The following RSRC1 variants were observed in gnomAD, a reference collection of about 807,000 sequenced individuals.
RSRC1 encodes serine/Arginine-related protein 53.
A neutral mutation model predicts 49.1 loss-of-function variants in RSRC1; 39 were observed. The ratio of observed to expected loss-of-function variants is 0.79; its 90% CI spans 0.61 to 1.04. The LOEUF is 1.04. Among genes scored for constraint, RSRC1 ranks in the 50% least tolerant of loss-of-function variants. RSRC1 has a pLI of 0.00. For synonymous variants in RSRC1, 143 were observed against 130.8 expected (o/e 1.09, Z -0.63); for missense variants, 388 against 402.4 (o/e 0.96, Z 0.31).
intron 4 of RSRC1, among the ~76,000 whole-genome samples, chr3:158,275,615 C>T (rs1193507): frequency 0.45 from 68,341 of 151,952 alleles, 15,701 homozygotes; most frequent in East Asian, 0.64. Flanking sequence ...AAAGCAAAGA[C>T]AAAAAAGTTT....
At chr3:158,482,121 AAT>A (rs767541550) in intron 7 of RSRC1, among the ~76,000 whole-genome samples, 12 of 151,962 alleles carry the variant, frequency 7.9e-5, no homozygotes, top group Non-Finnish European at 1.3e-4. Context: ...CCTCAATAAA[AAT>A]AGTTTTATTG....
In RSRC1 at chr3:158,540,059, G is replaced by A. The variant is rs114628355; in HGVS notation, c.759+2861G>A. Among the ~76,000 whole-genome samples the A allele has an allele frequency of 6.5e-3, 985 of 152,246 alleles. 12 individuals carry two copies. The highest frequency in any genetic ancestry group is 0.021 in the African/African-American group (867 of 41,540). ...AGAATGATATGCTCTTACAGTCCCC[G>A]TAAGGCAGTATAGACTACCAAAAAT... is the stretch of plus-strand genomic sequence containing the variant. On this transcript the variant is annotated intron_variant, in intron 8 of 9. Coordinates refer to ENST00000611884, the MANE Select transcript of RSRC1 (RefSeq NM_001271838.2).
intron 4 of RSRC1, among the ~76,000 whole-genome samples, chr3:158,222,451 C>T (rs1024031447): frequency 1.3e-5 from 2 of 151,238 alleles, no homozygotes; most frequent in African/African-American, 2.4e-5. Flanking sequence ...GTATATTAGC[C>T]CAGTTTAGTC....
At position 158,411,517 on chromosome 3, in the gene RSRC1, T is replaced by TG. The variant is rs201083672; in HGVS notation, c.584-49418_584-49417insG. On this transcript the variant is annotated intron_variant, in intron 6 of 9. Transcript: ENST00000611884. ...TATATCATTCTACTTTCTCTTTTTT[T>TG]TTTGTTTGTTTATTTTTTAAGGCAA... Among the ~76,000 whole-genome samples, 843 of 151,824 alleles carry TG rather than the reference T, an allele frequency of 5.6e-3. 4 individuals are homozygous for TG. The highest frequency in any genetic ancestry group is 0.018 in the African/African-American group (760 of 41,372).
chr3:158,212,958 TC>T (rs1002608838), intron 4 of RSRC1, among the ~76,000 whole-genome samples: 1 of 151,938 alleles, frequency 6.6e-6, no homozygotes, highest in African/African-American at 2.4e-5. Context: ...ACAGGCTTTC[TC>T]CCCAGTCTAG....
At chr3:158,542,594 T>C (rs1396045088) in intron 8 of RSRC1, among the ~76,000 whole-genome samples, 1 of 152,162 alleles carries the variant, frequency 6.6e-6, no homozygotes, top group Admixed American at 6.5e-5. Context: ...ATTGTATGAT[T>C]CCTTTTATCT....
At chr3:158,254,895 A>G (rs1243665398) in intron 4 of RSRC1, among the ~76,000 whole-genome samples, 6 of 151,110 alleles carry the variant, frequency 4.0e-5, no homozygotes, top group African/African-American at 1.5e-4. Flanking sequence ...CATATCCTCT[A>G]CCCACTTTTT....
intron 3 of RSRC1, among the ~76,000 whole-genome samples, chr3:158,177,690 G>A (rs1359669714): frequency 6.6e-6 from 1 of 152,146 alleles, no homozygotes; most frequent in Non-Finnish European, 1.5e-5. Flanking sequence ...AATACGTAAT[G>A]TAAATGACGA....
At chr3:158,359,180 C>T (rs1362535595) in intron 6 of RSRC1, among the ~76,000 whole-genome samples, 1 of 152,050 alleles carries the variant, frequency 6.6e-6, no homozygotes, top group Non-Finnish European at 1.5e-5. Context: ...GCACCAATAG[C>T]AGTGTATAAA....
intron 4 of RSRC1, among the ~76,000 whole-genome samples, chr3:158,284,872 T>C (rs1366886933): frequency 6.6e-6 from 1 of 151,160 alleles, no homozygotes; most frequent in Non-Finnish European, 1.5e-5. Context: ...TAGTTTCTTT[T>C]GCTGTGCAGA....
At chr3:158,204,151 T>C (rs894860005) in intron 4 of RSRC1, among the ~76,000 whole-genome samples, 2 of 152,174 alleles carry the variant, frequency 1.3e-5, no homozygotes, top group Non-Finnish European at 1.5e-5. Context: ...TATAGTATCC[T>C]GAGATCTTGA....
intron 6 of RSRC1, among the ~76,000 whole-genome samples, chr3:158,370,183 A>T (rs1427755426): frequency 1.3e-5 from 2 of 151,980 alleles, no homozygotes; most frequent in Non-Finnish European, 2.9e-5. Flanking sequence ...ATTTAGGGTT[A>T]TGAAAAAATT....
intron 4 of RSRC1, among the ~76,000 whole-genome samples, chr3:158,263,805 G>C (rs116620137): frequency 6.6e-6 from 1 of 152,064 alleles, no homozygotes; most frequent in Non-Finnish European, 1.5e-5. Context: ...GTTACCTAAG[G>C]TGTTGAATTT....
intron 3 of RSRC1, among the ~76,000 whole-genome samples, chr3:158,168,908 AC>A: frequency 6.6e-6 from 1 of 151,920 alleles, no homozygotes; most frequent in Non-Finnish European, 1.5e-5. Context: ...AACTGAACAG[AC>A]CCCCTTTTGG....
intron 3 of RSRC1, among the ~76,000 whole-genome samples, chr3:158,202,407 A>G (rs1721095746): frequency 6.6e-6 from 1 of 151,356 alleles, no homozygotes; most frequent in Admixed American, 6.6e-5. Context: ...CTCAGAAGGA[A>G]GAGGCAGAGG....
chr3:158,447,151 G>T (rs1394306603), intron 6 of RSRC1, among the ~76,000 whole-genome samples: 1 of 152,008 alleles, frequency 6.6e-6, no homozygotes, highest in Non-Finnish European at 1.5e-5. Context: ...GGGAAAATTT[G>T]TGGATTCAGC....
Position 158,501,961 on chromosome 3 carries a change from A to G in RSRC1, c.653-35131A>G, listed in dbSNP as rs549231770. Among the ~76,000 whole-genome samples the G allele has an allele frequency of 2.6e-5, 4 of 152,078 alleles. No individual in the cohort carries two copies. In the East Asian group the frequency reaches 7.7e-4, roughly 29 times the overall value. On this transcript the variant is annotated intron_variant, in intron 7 of 9. Coordinates refer to ENST00000611884, the MANE Select transcript of RSRC1 (RefSeq NM_001271838.2). Reference sequence around the variant, plus strand: ...TTTAACTTGTATTTTTGTGTTATAGATCCTGTGTGATTTATGCTTTAGAGA... The same window carrying G: ...TTTAACTTGTATTTTTGTGTTATAGGTCCTGTGTGATTTATGCTTTAGAGA...
At chr3:158,272,191 G>T (rs1229389443) in intron 4 of RSRC1, among the ~76,000 whole-genome samples, 1 of 151,990 alleles carries the variant, frequency 6.6e-6, no homozygotes, top group Non-Finnish European at 1.5e-5. Context: ...TTTTTTCCCT[G>T]CACAACTTTT....
chr3:158,536,220 C>T (rs781767598), intron 7 of RSRC1, among the ~76,000 whole-genome samples: 2 of 151,308 alleles, frequency 1.3e-5, no homozygotes, highest in Non-Finnish European at 3.0e-5. Context: ...GTAATTAAAC[C>T]TATAGGTTTC....
Sources: allele counts gnomAD v4.1 joint callset (sites outside exome capture counted in the v4.1 genomes callset), GRCh38; gene constraint gnomAD v4.1.1; transcripts MANE v1.5; gene names NCBI Gene and HGNC (gene_info 2026-07-23, HGNC 2026-07-21).